Variants in ZCCHC14 observed in about 807,000 individuals in gnomAD.
ZCCHC14 encodes zinc finger CCHC domain-containing protein 14.
ZCCHC14 carries 16 observed loss-of-function variants against 85.0 expected under a neutral mutation model. The observed-to-expected ratio is 0.19, with a 90% CI of 0.13 to 0.29. The LOEUF is 0.29. Ranked by LOEUF, ZCCHC14 falls within the 10% of genes least tolerant of loss-of-function variation. The probability of loss-of-function intolerance (pLI) is 1.00; values close to 1 mark genes in which losing one functional copy is unlikely to be tolerated. For missense variants in ZCCHC14, 1,303 were observed against 1,443.5 expected, an observed-to-expected ratio of 0.90 and a Z score of 1.58; for synonymous variants, 775 against 630.7, an observed-to-expected ratio of 1.23 and a Z score of -3.43.
At chr16:87,485,669 A>G (rs951721099) in intron 1 of ZCCHC14, among the ~76,000 whole-genome samples, 1 of 152,132 alleles carries the variant, frequency 6.6e-6, no homozygotes, top group Non-Finnish European at 1.5e-5. Flanking sequence ...AGAATACTAA[A>G]GCAGAAATTT....
rs1442338702 is a variant in ZCCHC14, at chr16:87,408,797, T to C, written c.*1483A>G. 6.6e-6 allele frequency: 1 copy of C among 152,456 alleles called. No individual in the cohort carries two copies. Among genetic ancestry groups the C allele is most frequent in the East Asian group, 1.9e-4 (1 of 5,200 alleles). 9.4% of individuals were successfully genotyped at this position (152,456 alleles called of 1,614,324 possible). ...GTATTCTTCTGATTTACATCAATTT[T>C]TCATGAGGCTGATTGTCCCATTTTA... is the stretch of plus-strand genomic sequence containing the variant. On this transcript the variant is annotated 3_prime_UTR_variant, in exon 13 of 13. Coordinates refer to ENST00000671377, the MANE Select transcript of ZCCHC14 (RefSeq NM_015144.3).
At chr16:87,467,662 T>C in intron 1 of ZCCHC14, 2 of 913,966 alleles carry the variant, frequency 2.2e-6, no homozygotes, top group South Asian at 1.3e-5. Flanking sequence ...ACGGTTTCTT[T>C]TTCTTTTGAG....
chr16:87,452,547 A>C (rs1597431806), intron 2 of ZCCHC14, among the ~76,000 whole-genome samples: 1 of 150,798 alleles, frequency 6.6e-6, no homozygotes, highest in East Asian at 1.9e-4. Flanking sequence ...TGAGGGACAC[A>C]AGAAGAGGGA....
At chr16:87,448,975 G>T (rs1910566306) in intron 2 of ZCCHC14, among the ~76,000 whole-genome samples, 1 of 152,220 alleles carries the variant, frequency 6.6e-6, no homozygotes, top group African/African-American at 2.4e-5. Flanking sequence ...AAGCGACCGT[G>T]TGCCGGCCCA....
At chr16:87,457,364 C>G (rs548706063) in intron 2 of ZCCHC14, among the ~76,000 whole-genome samples, 11 of 152,356 alleles carry the variant, frequency 7.2e-5, no homozygotes, top group African/African-American at 2.4e-4. Context: ...AGCATTAGCT[C>G]TGGCTTTGAA....
At chr16:87,471,599 G>A (rs1046605895) in intron 1 of ZCCHC14, 5 of 152,280 alleles carry the variant, frequency 3.3e-5, no homozygotes, top group African/African-American at 1.2e-4. Context: ...CACCCGCGGG[G>A]GCTTCCAGGC....
At chr16:87,429,306 G>C (rs188986796) in intron 3 of ZCCHC14, among the ~76,000 whole-genome samples, 160 of 152,254 alleles carry the variant, frequency 1.1e-3, no homozygotes, top group Non-Finnish European at 3.4e-4. Context: ...CTTTTCACAT[G>C]TGTTTATGTG....
At chr16:87,485,427 T>C (rs1406961587) in intron 1 of ZCCHC14, among the ~76,000 whole-genome samples, 1 of 152,056 alleles carries the variant, frequency 6.6e-6, no homozygotes, top group African/African-American at 2.4e-5. Flanking sequence ...CTACAGAGAC[T>C]GGAGAAAAAA....
chr16:87,438,049 G>A (rs1002248019), intron 2 of ZCCHC14, among the ~76,000 whole-genome samples: 6 of 152,264 alleles, frequency 3.9e-5, no homozygotes, highest in Non-Finnish European at 8.8e-5. Context: ...TAACATGGTT[G>A]TGACAGCCTG....
rs531742608 is a variant in ZCCHC14 at position 87,491,384 on chromosome 16, GGGCTTGGGATGTACGGCGGA to G, written c.570+265_570+284del. 0.024 allele frequency among the ~76,000 whole-genome samples: 3,688 copies of G among 152,016 alleles called. 116 individuals are homozygous for G. Among genetic ancestry groups the G allele is most frequent in the African/African-American group, 0.074 (3,079 of 41,368 alleles). Reference sequence around the variant, plus strand: ...GGTGAGGAGTGCGGGCTTAGGATGGGGGCTTGGGATGTACGGCGGAGGCTTGGGATGTACGGCGGAGGCTT... The same window carrying G: ...GGTGAGGAGTGCGGGCTTAGGATGGGGGCTTGGGATGTACGGCGGAGGCTT... On this transcript the variant is annotated intron_variant, in intron 1 of 12. Transcript: ENST00000671377. The surrounding 1 kb of genome is among the most constrained non-coding windows in gnomAD (Gnocchi z 5.9).
chr16:87,455,283 C>T (rs1336818464), intron 2 of ZCCHC14, among the ~76,000 whole-genome samples: 1 of 151,658 alleles, frequency 6.6e-6, no homozygotes, highest in African/African-American at 2.4e-5. Flanking sequence ...AGTGAAACTC[C>T]GTCCCCCCCC....
Position 87,475,287 on chromosome 16 carries a change from C to A in ZCCHC14, c.571-15156G>T, listed in dbSNP as rs750363774. On this transcript the variant is annotated intron_variant, in intron 1 of 12. Transcript: ENST00000671377. ...AATTCCAGGGCCAGGTGCAGTGGCTCACGCCTGTAATCTCAGCACTTAGGG... is the reference window on the plus strand; with the variant it reads ...AATTCCAGGGCCAGGTGCAGTGGCTAACGCCTGTAATCTCAGCACTTAGGG... 1.3e-4 allele frequency among the ~76,000 whole-genome samples: 20 copies of A among 152,272 alleles called. No homozygotes were observed. The Middle Eastern group carries it at 0.01, about 78-fold the overall frequency.
Position 87,428,645 on chromosome 16 carries a change from G to T in ZCCHC14, c.768+4483C>A, listed in dbSNP as rs563488635. On this transcript the variant is annotated intron_variant, in intron 3 of 12. Transcript: ENST00000671377. ...TGTTCTGATCTGAGGGCACCTGTGAGCCATGCCCCACCATGGCAGGGAGCA... is the reference window on the plus strand; with the variant it reads ...TGTTCTGATCTGAGGGCACCTGTGATCCATGCCCCACCATGGCAGGGAGCA... Among the ~76,000 whole-genome samples, 5 of 152,338 alleles carry T rather than the reference G, an allele frequency of 3.3e-5. No homozygotes were observed. The South Asian group carries it at 1.0e-3, about 32-fold the overall frequency.
At chr16:87,427,267 C>T (rs754523337) in intron 3 of ZCCHC14, among the ~76,000 whole-genome samples, 19 of 152,244 alleles carry the variant, frequency 1.2e-4, no homozygotes, top group Non-Finnish European at 2.8e-4. Context: ...TCTGGCAATG[C>T]CTGAGGAATC....
Position 87,417,672 on chromosome 16 carries a change from C to T in ZCCHC14, c.1171G>A (p.Gly391Ser), listed in dbSNP as rs758854024. The T allele has an allele frequency of 8.1e-6, 13 of 1,611,230 alleles. No individual in the cohort carries two copies. The highest frequency in any genetic ancestry group is 5.0e-5 in the Admixed American group (3 of 59,912). The part of the protein sequence containing the change: ...GAQHHGQHPA[G>S]SAAPLPHCSH... ...CAGTGAGGCAAGGGGGCGGCGGAGC[C>T]GGCCGGGTGCTGCCCGTGGTGCTGG... The change falls in exon 8 of 13, where the codon GGC becomes AGC. Residue 391 changes from glycine to serine, a missense_variant. By Grantham distance (56) the Gly-to-Ser change is moderately conservative. Around this residue, in one of 7 missense-constraint regions of ZCCHC14, gnomAD observed 389 missense variants for 397.8 expected, o/e 0.98. Transcript: ENST00000671377.
rs1386366909 is a variant in ZCCHC14 at position 87,492,874 on chromosome 16, T to C, written c.-636A>G. On this transcript the variant is annotated 5_prime_UTR_variant, in exon 1 of 13. Transcript: ENST00000671377. This position sits in a 1 kb window ranked among gnomAD's most constrained non-coding sequence, Gnocchi z 6.7. ...TCCGGCCGGGACTTGCCGGCCTTGC[T>C]GCTCCCGCGCGGCGGACGGATCCGG... Among the ~76,000 whole-genome samples, 1 of 147,660 alleles carries C rather than the reference T, an allele frequency of 6.8e-6. No homozygotes were observed. The highest frequency in any genetic ancestry group is 1.5e-5 in the Non-Finnish European group (1 of 66,394).
rs1414214039 is a variant in ZCCHC14 at position 87,420,723 on chromosome 16, G to A, written c.841-7C>T. On this transcript the variant is annotated splice_region_variant and splice_polypyrimidine_tract_variant and intron_variant, in intron 4 of 12. Coordinates refer to ENST00000671377, the MANE Select transcript of ZCCHC14 (RefSeq NM_015144.3). The surrounding 1 kb of genome is among the most constrained non-coding windows in gnomAD (Gnocchi z 5.0). The stretch of plus-strand genomic sequence containing the variant: ...CAGGATAGAGCTGACATAGCTGGAA[G>A]AGAGGACAAGGTAGAGGAGGTGTGT... The A allele has an allele frequency of 6.2e-7, 1 of 1,607,972 alleles. No homozygotes were observed. Among genetic ancestry groups the A allele is most frequent in the Non-Finnish European group, 8.5e-7 (1 of 1,176,662 alleles).
In ZCCHC14 at chr16:87,491,523, G is replaced by T; in HGVS notation, c.570+146C>A. ...GGCTTGGGATACGGGCTGGGGGCTC[G>T]TGGTGCAGGTTGGAGACCTGGGTGG... On this transcript the variant is annotated intron_variant, in intron 1 of 12. Transcript: ENST00000671377. The surrounding 1 kb of genome is among the most constrained non-coding windows in gnomAD (Gnocchi z 5.9). 1 of 629,740 alleles carries T rather than the reference G, an allele frequency of 1.6e-6. No individual in the cohort carries two copies. Among genetic ancestry groups the T allele is most frequent in the Non-Finnish European group, 2.4e-6 (1 of 423,450 alleles). The allele number at this position is 629,740 out of a possible 1,614,324, so 39.0% of individuals were successfully genotyped here.
At chr16:87,423,068 TTTACA>T in intron 4 of ZCCHC14, among the ~76,000 whole-genome samples, 1 of 152,344 alleles carries the variant, frequency 6.6e-6, no homozygotes, top group South Asian at 2.1e-4. Context: ...TTTGGAGACA[TTTACA>T]TATGTTATCC....
Sources: allele counts gnomAD v4.1 joint callset (sites outside exome capture counted in the v4.1 genomes callset), GRCh38; gene constraint gnomAD v4.1.1; regional missense constraint gnomAD v4.1.1; non-coding constraint Gnocchi (gnomAD v3.1); transcripts MANE v1.5; gene names NCBI Gene and HGNC (gene_info 2026-07-23, HGNC 2026-07-21).